BRCC3: variants seen among roughly 807,000 people sequenced by gnomAD.
The protein encoded by BRCC3 is BRCA1/BRCA2-containing complex subunit 3, also known as lys-63-specific deubiquitinase BRCC36.
A neutral mutation model predicts 28.0 loss-of-function variants in BRCC3; 15 were observed. That is an observed-to-expected ratio of 0.54 (90% confidence interval 0.36 to 0.82). BRCC3 has a LOEUF of 0.82. Among genes scored for constraint, BRCC3 ranks in the 40% least tolerant of loss-of-function variants. The pLI is 0.01. For missense variants in BRCC3, 109 were observed against 225.9 expected (o/e 0.48, Z 3.32); for synonymous variants, 66 against 80.3 (o/e 0.82, Z 0.95).
chrX:155,071,765 C>A (rs1569560375), intron 1 of BRCC3, 115 bp downstream of exon 1: 2 of 834,385 alleles, frequency 2.4e-6, no homozygotes, highest in Non-Finnish European at 3.4e-6. Flanking sequence ...CGATTTAGGT[C>A]CTTGGACACC....
chrX:155,116,812 A>G, intron 9 of BRCC3, 58 bp downstream of exon 9: 1 of 894,425 alleles, frequency 1.1e-6, no homozygotes, highest in Non-Finnish European at 1.6e-6. Context: ...TGAAACACTC[A>G]GCTGACAGAT....
At chrX:155,085,575 C>G (rs1040548398) in intron 5 of BRCC3, among the ~76,000 whole-genome samples, 5 of 112,662 alleles carry the variant, frequency 4.4e-5, no homozygotes, top group Non-Finnish European at 9.4e-5. Context: ...CTGAGTTCAA[C>G]AGAAAACAGA....
At chrX:155,118,474 G>C (rs1298321109) in intron 9 of BRCC3, among the ~76,000 whole-genome samples, 2 of 111,986 alleles carry the variant, frequency 1.8e-5, no homozygotes, top group Non-Finnish European at 3.8e-5. Context: ...ATCTTGACTA[G>C]CACTGGTTAC....
At chrX:155,082,394 C>A (rs782303481) in intron 5 of BRCC3, among the ~76,000 whole-genome samples, 2 of 111,867 alleles carry the variant, frequency 1.8e-5, no homozygotes, top group South Asian at 3.7e-4. Flanking sequence ...GGCAGTGGAG[C>A]GTGGAGGGGA....
intron 3 of BRCC3, among the ~76,000 whole-genome samples, chrX:155,074,890 C>G (rs782027415): frequency 1.2e-3 from 132 of 111,433 alleles, no homozygotes; most frequent in Non-Finnish European, 2.1e-3. Flanking sequence ...GTGTGATAAT[C>G]TTTTTAAGTG....
At chrX:155,106,161 AGTC>A (rs1186907055) in intron 7 of BRCC3, among the ~76,000 whole-genome samples, 8 of 112,355 alleles carry the variant, frequency 7.1e-5, no homozygotes, top group African/African-American at 2.6e-4. Flanking sequence ...CACTTGCTGT[AGTC>A]TACTTTTGTG....
rs185785164 is a variant in BRCC3, at chrX:155,072,757, C to T, written c.140+414C>T. Among the ~76,000 whole-genome samples, 1,048 of 109,542 alleles carry T rather than the reference C, an allele frequency of 9.6e-3. 4 individuals are homozygous for T. Among genetic ancestry groups the T allele is most frequent in the Non-Finnish European group, 0.016 (817 of 52,523 alleles). On this transcript the variant is annotated intron_variant, in intron 2 of 10. Coordinates refer to ENST00000330045, the MANE Select transcript of BRCC3 (RefSeq NM_001018055.3). ...TTTTTTTTGTACAGACGGGGTTTCA[C>T]CATGTTGGCCAGGCTGGTCTCGAAC...
rs2074393561 is a variant in BRCC3 at position 155,122,461 on chromosome X, AT to A, written c.*1263del. The A allele has an allele frequency of 8.9e-6, 1 of 112,258 alleles. No homozygotes were observed. Among genetic ancestry groups the A allele is most frequent in the South Asian group, 3.6e-4 (1 of 2,740 alleles). 9.3% of individuals were successfully genotyped at this position (112,258 alleles called of 1,213,427 possible). On this transcript the variant is annotated 3_prime_UTR_variant, in exon 11 of 11. Coordinates refer to ENST00000330045, the MANE Select transcript of BRCC3 (RefSeq NM_001018055.3). ...TGAATTTCTTATCAAGTTAAACATA[AT>A]TTTTTAATCAAGTTAAACATAAGAC... is the stretch of plus-strand genomic sequence containing the variant.
intron 7 of BRCC3, among the ~76,000 whole-genome samples, chrX:155,092,473 A>G (rs1369358118): frequency 1.8e-5 from 2 of 111,410 alleles, no homozygotes; most frequent in Non-Finnish European, 3.8e-5. Context: ...AAGTGTTTAT[A>G]TTGTTATTAT....
intron 8 of BRCC3, 145 bp downstream of exon 8, chrX:155,116,333 ATGTTTCTCACGTTGTATG>A: frequency 1.9e-6 from 1 of 519,145 alleles, no homozygotes; most frequent in Non-Finnish European, 3.0e-6. Flanking sequence ...TCCAATCATA[ATGTTTCTCACGTTGTATG>A]ATAATTTCTT....
At chrX:155,083,225 A>G (rs1211749002) in intron 5 of BRCC3, among the ~76,000 whole-genome samples, 1 of 112,594 alleles carries the variant, frequency 8.9e-6, no homozygotes, top group African/African-American at 3.2e-5. Context: ...TGCAAAGCCA[A>G]TTCCAAAATT....
chrX:155,083,810 T>C (rs1557294433), intron 5 of BRCC3, among the ~76,000 whole-genome samples: 1 of 112,613 alleles, frequency 8.9e-6, no homozygotes, highest in African/African-American at 3.2e-5. Flanking sequence ...TTATAAAACA[T>C]TGACACTGTC....
intron 5 of BRCC3, 94 bp from the exon 6 acceptor site, chrX:155,089,169 T>C: frequency 1.8e-6 from 1 of 563,052 alleles, no homozygotes; most frequent in Non-Finnish European, 2.9e-6. Flanking sequence ...TATATGTTGC[T>C]GTTATCTTTA....
Position 155,089,259 on chromosome X carries a change from T to C in BRCC3, c.404-4T>C. 1 of 1,159,858 alleles carries C rather than the reference T, an allele frequency of 8.6e-7. No individual in the cohort carries two copies. The highest frequency in any genetic ancestry group is 1.2e-6 in the Non-Finnish European group (1 of 862,607). On this transcript the variant is annotated splice_region_variant and splice_polypyrimidine_tract_variant and intron_variant, in intron 5 of 10. Coordinates refer to ENST00000330045, the MANE Select transcript of BRCC3 (RefSeq NM_001018055.3). ...AAGATTTTTAAATTTTCATTTATTT[T>C]CAGATGTTCGCACACAAGCCATGTA...
chrX:155,082,748 G>T (rs2124252282), intron 5 of BRCC3, among the ~76,000 whole-genome samples: 1 of 112,317 alleles, frequency 8.9e-6, no homozygotes, highest in Admixed American at 9.4e-5. Context: ...CGATCATATT[G>T]TGCAAACTAC....
intron 5 of BRCC3, 52 bp from the exon 6 acceptor site, chrX:155,089,211 T>G: frequency 3.6e-6 from 3 of 827,641 alleles, no homozygotes; most frequent in Non-Finnish European, 5.3e-6. Context: ...ATCAATAAGC[T>G]GTGAGACACA....
chrX:155,110,483 C>A (rs2074313915), intron 7 of BRCC3, among the ~76,000 whole-genome samples: 1 of 110,319 alleles, frequency 9.1e-6, no homozygotes, highest in African/African-American at 3.3e-5. Flanking sequence ...TTCACAATAT[C>A]TTCTTATTAT....
At chrX:155,075,712 C>T (rs1359942959) in intron 3 of BRCC3, among the ~76,000 whole-genome samples, 2 of 112,399 alleles carry the variant, frequency 1.8e-5, no homozygotes, top group Non-Finnish European at 3.8e-5. Context: ...ATCTGCTTAG[C>T]CCAGTACTTC....
chrX:155,074,714 C>T (rs1202815907), intron 3 of BRCC3, among the ~76,000 whole-genome samples: 1 of 112,208 alleles, frequency 8.9e-6, no homozygotes, highest in African/African-American at 3.2e-5. Flanking sequence ...AGTTTTATGT[C>T]AGTTTGTACT....
Sources: allele counts gnomAD v4.1 joint callset (sites outside exome capture counted in the v4.1 genomes callset), GRCh38; gene constraint gnomAD v4.1.1; transcripts MANE v1.5; gene names NCBI Gene and HGNC (gene_info 2026-07-23, HGNC 2026-07-21).